Variants in PRDM1 observed in about 807,000 individuals in gnomAD.
PRDM1 encodes the protein PR domain zinc finger protein 1.
A neutral mutation model predicts 62.8 loss-of-function variants in PRDM1; 13 were observed. The observed-to-expected ratio is 0.21, with a 90% CI of 0.13 to 0.33. The LOEUF (loss-of-function observed/expected upper bound fraction) is 0.33, where lower values mean the gene tolerates loss of function less well. Ranked by LOEUF, PRDM1 falls within the 10% of genes least tolerant of loss-of-function variation. The pLI, the probability that PRDM1 is intolerant of heterozygous loss-of-function variation, is 1.00. For missense variants in PRDM1, 895 were observed against 1,058.8 expected (o/e 0.85, Z 2.15); for synonymous variants, 396 against 417.6 (o/e 0.95, Z 0.63).
At chr6:106,103,422 C>T (rs1474417837) in intron 4 of PRDM1, among the ~76,000 whole-genome samples, 1 of 152,182 alleles carries the variant, frequency 6.6e-6, no homozygotes, top group African/African-American at 2.4e-5. Context: ...TGCACAAAGG[C>T]TTCAGCATGA....
At chr6:106,049,191 G>C (rs1773131164) in intron 1 of PRDM1, among the ~76,000 whole-genome samples, 1 of 152,204 alleles carries the variant, frequency 6.6e-6, no homozygotes, top group African/African-American at 2.4e-5. Context: ...GTATGAGAGA[G>C]AGAACAGAGA....
At chr6:105,998,424 G>C (rs1357778600) in intron 1 of PRDM1, among the ~76,000 whole-genome samples, 3 of 151,996 alleles carry the variant, frequency 2.0e-5, no homozygotes, top group Non-Finnish European at 4.4e-5. Flanking sequence ...AGACATACTT[G>C]AAAAAACTTT....
In PRDM1 at chr6:106,106,865, G is replaced by A. The variant is rs770800654; in HGVS notation, c.1903-46G>A. The A allele has an allele frequency of 1.9e-6, 3 of 1,546,588 alleles. No homozygotes were observed. Among genetic ancestry groups the A allele is most frequent in the Non-Finnish European group, 2.6e-6 (3 of 1,135,986 alleles). On this transcript the variant is annotated intron_variant, in intron 6 of 6. Transcript: ENST00000369096. The surrounding 1 kb of genome is among the most constrained non-coding windows in gnomAD (Gnocchi z 4.4). ...CCCGTTGGCAACTCTTAATCTTCTG[G>A]CCTTCCTGTCTCCCTTCCCTGCTGT...
upstream of PRDM1, among the ~76,000 whole-genome samples, chr6:106,082,186 A>G (rs145708438): frequency 1.3e-5 from 2 of 152,166 alleles, no homozygotes; most frequent in African/African-American, 4.8e-5. Context: ...GCCTTCTGTT[A>G]GTTTAATTTT....
intron 1 of PRDM1, among the ~76,000 whole-genome samples, chr6:106,064,525 G>A (rs779307462): frequency 3.3e-5 from 5 of 152,222 alleles, no homozygotes; most frequent in Admixed American, 6.5e-5. Context: ...TGAAAGGGGA[G>A]ATGGGAAGCA....
At chr6:106,102,328 C>T (rs1439899521) in intron 4 of PRDM1, among the ~76,000 whole-genome samples, 1 of 152,240 alleles carries the variant, frequency 6.6e-6, no homozygotes, top group Admixed American at 6.5e-5. Flanking sequence ...CCACTGATTA[C>T]TCAGCTGCTG....
At chr6:106,031,962 A>G (rs979436898) in intron 1 of PRDM1, among the ~76,000 whole-genome samples, 3 of 152,108 alleles carry the variant, frequency 2.0e-5, no homozygotes, top group African/African-American at 7.2e-5. Context: ...TGAGTCCATC[A>G]GATGCAGGAA....
In PRDM1 at chr6:106,011,983, A is replaced by G. The variant is rs1416206367; in HGVS notation, c.-67+18344A>G. ...CTACACACACACACAAACATACCAC[A>G]CACACCACACTCCTCCACATTCACA... On this transcript the variant is annotated intron_variant, in intron 1 of 6. Transcript: ENST00000652320. Among the ~76,000 whole-genome samples the G allele has an allele frequency of 1.6e-4, 24 of 149,412 alleles. 1 individual carries two copies.
In PRDM1 at chr6:106,095,596, T is replaced by A; in HGVS notation, c.292-19T>A. On this transcript the variant is annotated intron_variant, in intron 2 of 6. Transcript: ENST00000369096. ...TTTTATAGTCAAAGTAATTGTTTCC[T>A]GTGTTTTTTCCTGTTTAGGTTATTG... 1 of 1,608,942 alleles carries A rather than the reference T, an allele frequency of 6.2e-7. No individual in the cohort carries two copies. The highest frequency in any genetic ancestry group is 1.3e-5 in the African/African-American group (1 of 74,722).
At chr6:106,021,615 GT>G (rs1034569010) in intron 1 of PRDM1, among the ~76,000 whole-genome samples, 12 of 152,062 alleles carry the variant, frequency 7.9e-5, no homozygotes, top group Non-Finnish European at 2.9e-5. Flanking sequence ...AAAGTGAAAT[GT>G]TTATTTATTT....
At chr6:106,044,306 G>T (rs140395080), upstream of PRDM1, among the ~76,000 whole-genome samples, 805 of 150,302 alleles carry the variant, frequency 5.4e-3, 5 homozygotes, top group African/African-American at 0.018. Flanking sequence ...CTGTTTAGAA[G>T]AATTTAAAGT....
In PRDM1 at chr6:106,073,282, T is replaced by G. The variant is rs572068565; in HGVS notation, c.-66-14919T>G. ...GGCGCCCACTCTCATGCCCAGCTAA[T>G]TTTTGTATTTCTGGTAGAGACAAGG... On this transcript the variant is annotated intron_variant, in intron 1 of 6. Transcript: ENST00000651185. Among the ~76,000 whole-genome samples, 3 of 152,106 alleles carry G rather than the reference T, an allele frequency of 2.0e-5. No homozygotes were observed. The East Asian group carries it at 5.8e-4, about 29-fold the overall frequency.
chr6:106,093,832 C>G (rs1582465740), intron 2 of PRDM1, among the ~76,000 whole-genome samples: 1 of 152,140 alleles, frequency 6.6e-6, no homozygotes, highest in Admixed American at 6.5e-5. Context: ...TTTTTCAGCT[C>G]TCTGACAGAA....
rs1414897986 is a variant in PRDM1, at chr6:106,106,630, C to T, written c.1902+131C>T. 1 of 1,279,776 alleles carries T rather than the reference C, an allele frequency of 7.8e-7. No homozygotes were observed. The highest frequency in any genetic ancestry group is 1.1e-6 in the Non-Finnish European group (1 of 933,188). 79.3% of individuals were successfully genotyped at this position (1,279,776 alleles called of 1,614,324 possible). On this transcript the variant is annotated intron_variant, in intron 6 of 6. Coordinates refer to ENST00000369096, the MANE Select transcript of PRDM1 (RefSeq NM_001198.4). This position sits in a 1 kb window ranked among gnomAD's most constrained non-coding sequence, Gnocchi z 4.4. ...GCGTTGTCCCATCCTGGACTGATGG[C>T]ACTATGGTCCTTCCCAGTACTTTGT...
chr6:106,021,728 C>G (rs1409984114), intron 1 of PRDM1, among the ~76,000 whole-genome samples: 1 of 152,234 alleles, frequency 6.6e-6, no homozygotes, highest in Non-Finnish European at 1.5e-5. Flanking sequence ...TCAATCGATT[C>G]TTCTGCCTCA....
chr6:106,021,738 A>G (rs1160520718), intron 1 of PRDM1, among the ~76,000 whole-genome samples: 1 of 152,184 alleles, frequency 6.6e-6, no homozygotes, highest in East Asian at 1.9e-4. Context: ...CTTCTGCCTC[A>G]GCCTCCCAAG....
upstream of PRDM1, among the ~76,000 whole-genome samples, chr6:106,083,179 G>A (rs1056362506): frequency 2.3e-5 from 3 of 130,904 alleles, no homozygotes; most frequent in Admixed American, 1.8e-4. Flanking sequence ...CCAGCATGAA[G>A]ATGCCTAACT....
intron 3 of PRDM1, chr6:106,098,772 G>A (rs1774182287): frequency 6.8e-7 from 1 of 1,479,740 alleles, no homozygotes; most frequent in Non-Finnish European, 9.1e-7. Context: ...GACTTGGAGG[G>A]TTGGGGGTGG....
At chr6:106,062,165 A>G (rs1773354933) in intron 1 of PRDM1, among the ~76,000 whole-genome samples, 1 of 152,228 alleles carries the variant, frequency 6.6e-6, no homozygotes, top group Non-Finnish European at 1.5e-5. Context: ...TAGGATATTT[A>G]TAGAGGTTCT....
Sources: allele counts gnomAD v4.1 joint callset (sites outside exome capture counted in the v4.1 genomes callset), GRCh38; gene constraint gnomAD v4.1.1; non-coding constraint Gnocchi (gnomAD v3.1); transcripts MANE v1.5; gene names NCBI Gene and HGNC (gene_info 2026-07-23, HGNC 2026-07-21).